Variants in DMBT1 observed in about 807,000 individuals in gnomAD.
DMBT1 encodes the protein deleted in malignant brain tumors 1.
A neutral mutation model predicts 252.9 loss-of-function variants in DMBT1; 198 were observed. The observed-to-expected ratio is 0.78, with a 90% CI of 0.70 to 0.88. The LOEUF (loss-of-function observed/expected upper bound fraction) is 0.88, where lower values mean the gene tolerates loss of function less well. Among genes scored for constraint, DMBT1 ranks in the 40% least tolerant of loss-of-function variants. The pLI is 0.00. For missense variants in DMBT1, 2,432 were observed against 2,404.7 expected (o/e 1.01, Z -0.24); for synonymous variants, 990 against 942.7 (o/e 1.05, Z -0.92).
intron 55 of DMBT1, 66 bp from the exon 56 acceptor site, chr10:122,643,056 T>C (rs2133707951): frequency 1.3e-6 from 2 of 1,576,254 alleles, no homozygotes; most frequent in South Asian, 2.4e-5. Flanking sequence ...CCTCACCTGG[T>C]ACAACTGAGT....
chr10:122,618,323 C>T lies in DMBT1; in HGVS notation c.5198C>T (p.Ala1733Val). The change falls in exon 41 of 56, where the codon GCT (alanine) becomes GTT (valine). Residue 1733 changes from alanine to valine, a missense_variant. By Grantham distance (64) the Ala-to-Val change is moderately conservative. Transcript: ENST00000338354. Reference sequence around the variant, plus strand: ...CACAACTGTGGCCATCATGAAGATGCTGGTGTCATCTGCTCAGGTGGGCTT... The same window carrying T: ...CACAACTGTGGCCATCATGAAGATGTTGGTGTCATCTGCTCAGGTGGGCTT... ...LSHNCGHHED[A>V]GVICSAAQSQ... The T allele has an allele frequency of 1.2e-6, 2 of 1,613,878 alleles. No homozygotes were observed. Among genetic ancestry groups the T allele is most frequent in the East Asian group, 2.2e-5 (1 of 44,882 alleles).
At chr10:122,566,126 CG>C in intron 2 of DMBT1, 130 bp downstream of exon 2, 7 of 946,730 alleles carry the variant, frequency 7.4e-6, no homozygotes, top group East Asian at 2.6e-5. Context: ...GCAGGAATGC[CG>C]GGGGGACAGG....
Position 122,618,132 on chromosome 10 carries a change from C to A in DMBT1, c.5007C>A (p.Thr1669=), listed in dbSNP as rs201076652. 1.3e-5 allele frequency: 21 copies of A among 1,613,842 alleles called. No individual in the cohort carries two copies. Among genetic ancestry groups the A allele is most frequent in the Non-Finnish European group, 1.8e-5 (21 of 1,179,896 alleles). Residue 1669 remains threonine, a synonymous_variant, in exon 41 of 56, where the codon ACC becomes ACA. Transcript: ENST00000338354. ...CCGTGTGTGATGACTACTGGGACAC[C>A]AATGATGCCAACGTGGTCTGCAGGC... ...WGTVCDDYWD[T]NDANVVCRQL...
chr10:122,574,459 T>C (rs1312152552), intron 6 of DMBT1, among the ~76,000 whole-genome samples: 3 of 152,206 alleles, frequency 2.0e-5, no homozygotes, highest in Non-Finnish European at 4.4e-5. Flanking sequence ...TTGGGAATGC[T>C]GATGGTACAT....
chr10:122,637,612 T>C (rs1242790576), intron 54 of DMBT1, among the ~76,000 whole-genome samples: 1 of 152,210 alleles, frequency 6.6e-6, no homozygotes, highest in Non-Finnish European at 1.5e-5. Context: ...CTCCAGATTT[T>C]GCAGGGCCTG....
intron 54 of DMBT1, among the ~76,000 whole-genome samples, chr10:122,638,341 C>A: frequency 6.6e-6 from 1 of 152,268 alleles, no homozygotes. Context: ...CCGTTTGGAG[C>A]GGCCAGACAA....
chr10:122,617,156 C>G, intron 39 of DMBT1, 72 bp from the exon 40 acceptor site: 1 of 1,511,668 alleles, frequency 6.6e-7, no homozygotes, highest in Non-Finnish European at 9.1e-7. Context: ...TTCCCCCTCC[C>G]AGAGAACCTT....
Position 122,600,971 on chromosome 10 carries a change from T to C in DMBT1, c.3311-20T>C, listed in dbSNP as rs1457300499. ...TCCCTTCAAGTCTAATTCTGTCTTTTCCTTTGTTGCAATTTACAGACACTT... is the reference window on the plus strand; with the variant it reads ...TCCCTTCAAGTCTAATTCTGTCTTTCCCTTTGTTGCAATTTACAGACACTT... On this transcript the variant is annotated intron_variant, in intron 27 of 55. Coordinates refer to ENST00000338354, the MANE Select transcript of DMBT1 (RefSeq NM_001377530.1). 4 of 777,626 alleles carry C rather than the reference T, an allele frequency of 5.1e-6. No homozygotes were observed. The highest frequency in any genetic ancestry group is 2.6e-5 in the East Asian group (1 of 39,096). The allele number at this position is 777,626 out of a possible 1,614,324, so 48.2% of individuals were successfully genotyped here.
chr10:122,642,936 C>G (rs1419785405), intron 55 of DMBT1, among the ~76,000 whole-genome samples, 186 bp from the exon 56 acceptor site: 17 of 152,136 alleles, frequency 1.1e-4, no homozygotes, highest in Admixed American at 1.1e-3. Context: ...GGTACCGGAG[C>G]TGCCAGGATT....
At chr10:122,589,977 T>C (rs966134821) in intron 17 of DMBT1, among the ~76,000 whole-genome samples, 1 of 148,514 alleles carries the variant, frequency 6.7e-6, no homozygotes, top group Non-Finnish European at 1.5e-5. Context: ...TCTCCAGGGT[T>C]CCATCTTTCC....
At chr10:122,600,353 A>G (rs1011655406) in intron 27 of DMBT1, among the ~76,000 whole-genome samples, 7 of 152,054 alleles carry the variant, frequency 4.6e-5, no homozygotes, top group African/African-American at 1.7e-4. Context: ...CAACCCTTAC[A>G]GGTTCAGGAA....
chr10:122,576,270 TA>T, intron 6 of DMBT1, 128 bp from the exon 7 acceptor site: 1 of 1,376,318 alleles, frequency 7.3e-7, no homozygotes. Context: ...TAAGGCCTGT[TA>T]AAGCCCAGCC....
At chr10:122,632,968 G>A (rs1406177362) in intron 51 of DMBT1, 78 bp downstream of exon 51, 56 of 1,595,574 alleles carry the variant, frequency 3.5e-5, no homozygotes, top group Non-Finnish European at 4.7e-5. Context: ...GTGACAATGG[G>A]GCTGGGGAGG....
At chr10:122,571,087 T>C (rs2097658879) in intron 4 of DMBT1, 150 bp downstream of exon 4, 1 of 962,928 alleles carries the variant, frequency 1.0e-6, no homozygotes, top group South Asian at 1.5e-5. Flanking sequence ...GCTCTGTGTA[T>C]GTGCAACTCA....
chr10:122,593,608 C>A lies in DMBT1; in HGVS notation c.2530+10C>A, dbSNP rs1423900234. The A allele has an allele frequency of 6.3e-7, 1 of 1,586,426 alleles. No homozygotes were observed. The highest frequency in any genetic ancestry group is 1.7e-5 in the Admixed American group (1 of 59,236). Reference sequence around the variant, plus strand: ...CCGACACCCAGTCCAGGTAGGTCCCCAGTGTCCTTCCTCAAAATGTCCCTT... The same window carrying A: ...CCGACACCCAGTCCAGGTAGGTCCCAAGTGTCCTTCCTCAAAATGTCCCTT... On this transcript the variant is annotated intron_variant, in intron 21 of 55. Coordinates refer to ENST00000338354, the MANE Select transcript of DMBT1 (RefSeq NM_001377530.1).
intron 6 of DMBT1, among the ~76,000 whole-genome samples, chr10:122,575,683 T>A (rs2097706225): frequency 6.6e-6 from 1 of 152,186 alleles, no homozygotes; most frequent in South Asian, 2.1e-4. Flanking sequence ...TTACTGTTAC[T>A]CAGGAAAAAT....
At chr10:122,619,213 A>AGT in intron 41 of DMBT1, 95 bp from the exon 42 acceptor site, 1 of 1,486,138 alleles carries the variant, frequency 6.7e-7, no homozygotes, top group Non-Finnish European at 9.4e-7. Flanking sequence ...GGATGGACTG[A>AGT]GTGTCAGGCT....
intron 47 of DMBT1, 37 bp downstream of exon 47, chr10:122,630,030 C>A: frequency 6.2e-7 from 1 of 1,611,208 alleles, no homozygotes; most frequent in Non-Finnish European, 8.5e-7. Context: ...GGGGTGAGTT[C>A]CTCTGCAGCA....
rs1455278614 is a variant in DMBT1, at chr10:122,578,758, A to G, written c.678A>G (p.Glu226=). The G allele has an allele frequency of 6.2e-7, 1 of 1,607,368 alleles. No individual in the cohort carries two copies. Among genetic ancestry groups the G allele is most frequent in the African/African-American group, 1.3e-5 (1 of 74,832 alleles). The change falls in exon 9 of 56, where the codon GAA becomes GAG. Residue 226 remains glutamate, a splice_region_variant and synonymous_variant. Coordinates refer to ENST00000338354, the MANE Select transcript of DMBT1 (RefSeq NM_001377530.1). Reference sequence around the variant, plus strand: ...GGATATCACCACCTGTACCCACAGAAGGTAAAGAATCCTCTCAACACTCCC... The same window carrying G: ...GGATATCACCACCTGTACCCACAGAGGGTAAAGAATCCTCTCAACACTCCC... The part of the protein sequence containing the change: ...PVRISPPVPT[E]GSESSLALRL...
Sources: gnomAD v4.1 joint callset for allele counts (sites outside exome capture counted in the v4.1 genomes callset) on GRCh38, gnomAD v4.1.1 for gene constraint, MANE v1.5 for transcripts, NCBI Gene and HGNC (gene_info 2026-07-23, HGNC 2026-07-21) for gene names.